The following MAGI2 variants were observed in gnomAD, a reference collection of about 807,000 sequenced individuals.
MAGI2 encodes membrane associated guanylate kinase, WW and PDZ domain containing 2, also known as membrane-associated guanylate kinase, WW and PDZ domain-containing protein 2.
Under a neutral mutation model 133.3 loss-of-function variants are expected in MAGI2, and 35 were observed. That is an observed-to-expected ratio of 0.26 (90% CI 0.20 to 0.35). The LOEUF is 0.35. Among genes scored for constraint, MAGI2 ranks in the 10% least tolerant of loss-of-function variants. MAGI2 has a pLI of 1.00. For missense variants in MAGI2, 1,636 were observed against 1,863.4 expected (o/e 0.88, Z 2.25); for synonymous variants, 729 against 710.6 (o/e 1.03, Z -0.41).
At chr7:78,959,283 C>A (rs191593333) in intron 2 of MAGI2, among the ~76,000 whole-genome samples, 3 of 151,964 alleles carry the variant, frequency 2.0e-5, no homozygotes, top group Non-Finnish European at 2.9e-5. Flanking sequence ...AGAATAGGGG[C>A]TTTGGATTAC....
intron 3 of MAGI2, among the ~76,000 whole-genome samples, chr7:78,624,468 A>C (rs1157697813): frequency 6.6e-6 from 1 of 152,154 alleles, no homozygotes; most frequent in Non-Finnish European, 1.5e-5. Context: ...ATGCAGCCAT[A>C]AAGAGAAATG....
intron 2 of MAGI2, among the ~76,000 whole-genome samples, chr7:78,803,492 T>C (rs917106343): frequency 6.6e-6 from 1 of 152,088 alleles, no homozygotes; most frequent in Non-Finnish European, 1.5e-5. Flanking sequence ...TATTTATTTT[T>C]TTTTTTTGCA....
chr7:79,038,539 A>G (rs1811328165), intron 1 of MAGI2, among the ~76,000 whole-genome samples: 1 of 152,180 alleles, frequency 6.6e-6, no homozygotes, highest in African/African-American at 2.4e-5. Flanking sequence ...TCATTTTTTA[A>G]AAAGTAAAAT....
At chr7:78,087,517 A>C (rs1156518160) in intron 20 of MAGI2, among the ~76,000 whole-genome samples, 1 of 152,190 alleles carries the variant, frequency 6.6e-6, no homozygotes. Flanking sequence ...AAAAGTAATA[A>C]ATTTTTCATA....
intron 2 of MAGI2, chr7:78,946,999 T>C (rs1012045465): frequency 6.6e-6 from 1 of 152,104 alleles, no homozygotes; most frequent in Admixed American, 6.6e-5. Context: ...ACCTATTCAG[T>C]AGCTAAAATA....
At chr7:78,670,384 AAGG>A (rs1814224672) in intron 2 of MAGI2, among the ~76,000 whole-genome samples, 1 of 152,232 alleles carries the variant, frequency 6.6e-6, no homozygotes, top group Admixed American at 6.5e-5. Flanking sequence ...GGACCTCTTC[AAGG>A]AGAACTACAA....
chr7:79,060,947 T>G (rs1227077024), intron 1 of MAGI2, among the ~76,000 whole-genome samples: 2 of 152,146 alleles, frequency 1.3e-5, no homozygotes, highest in Non-Finnish European at 2.9e-5. Context: ...GCTCCAGAAT[T>G]TCTATCTGAG....
At chr7:79,112,969 G>T (rs1198917085) in intron 1 of MAGI2, among the ~76,000 whole-genome samples, 1 of 152,030 alleles carries the variant, frequency 6.6e-6, no homozygotes, top group African/African-American at 2.4e-5. Context: ...TTAAACATTG[G>T]GAACATTGAG....
intron 6 of MAGI2, among the ~76,000 whole-genome samples, chr7:78,472,311 T>C (rs1004540156): frequency 3.3e-5 from 5 of 152,104 alleles, no homozygotes; most frequent in Admixed American, 6.6e-5. Flanking sequence ...CAAATTTATA[T>C]ACATATACCA....
At chr7:78,337,972 T>A (rs1250771575) in intron 9 of MAGI2, among the ~76,000 whole-genome samples, 1 of 152,184 alleles carries the variant, frequency 6.6e-6, no homozygotes, top group Non-Finnish European at 1.5e-5. Flanking sequence ...CTGTTTTATG[T>A]GCCAGGAGCA....
chr7:78,584,889 T>G (rs1260051708), intron 3 of MAGI2, among the ~76,000 whole-genome samples: 1 of 152,228 alleles, frequency 6.6e-6, no homozygotes, highest in African/African-American at 2.4e-5. Flanking sequence ...ATCTATAAAA[T>G]GAAGATAATA....
intron 2 of MAGI2, among the ~76,000 whole-genome samples, chr7:78,951,538 C>T (rs891198384): frequency 2.6e-5 from 4 of 152,060 alleles, no homozygotes; most frequent in Non-Finnish European, 4.4e-5. Flanking sequence ...CTCACTATCA[C>T]GAGATCCAAT....
intron 20 of MAGI2, among the ~76,000 whole-genome samples, chr7:78,083,522 T>G (rs1256549490): frequency 3.9e-5 from 6 of 151,976 alleles, no homozygotes; most frequent in African/African-American, 1.5e-4. Flanking sequence ...AAATGCCAAA[T>G]TTAGGAAACT....
At chr7:78,218,453 C>A (rs1312259809) in intron 10 of MAGI2, among the ~76,000 whole-genome samples, 1 of 152,184 alleles carries the variant, frequency 6.6e-6, no homozygotes, top group South Asian at 2.1e-4. Context: ...ACAGTGAAGG[C>A]AGGGGCCATG....
intron 1 of MAGI2, among the ~76,000 whole-genome samples, chr7:79,308,617 C>T (rs964574616): frequency 2.6e-5 from 4 of 152,122 alleles, no homozygotes; most frequent in African/African-American, 9.7e-5. Context: ...AACACTAAAC[C>T]TCTAATTGCT....
intron 6 of MAGI2, among the ~76,000 whole-genome samples, chr7:78,437,712 T>C (rs1234734957): frequency 1.3e-5 from 2 of 152,194 alleles, no homozygotes; most frequent in African/African-American, 2.4e-5. Flanking sequence ...TAACATGACA[T>C]GACCACTGAG....
intron 2 of MAGI2, among the ~76,000 whole-genome samples, chr7:78,706,644 A>C (rs536775387): frequency 6.6e-6 from 1 of 152,232 alleles, no homozygotes; most frequent in South Asian, 2.1e-4. Context: ...AACACAAAAC[A>C]ATTAGCCAAC....
chr7:79,421,152 A>G (rs1306736128), intron 1 of MAGI2, among the ~76,000 whole-genome samples: 1 of 152,010 alleles, frequency 6.6e-6, no homozygotes, highest in Non-Finnish European at 1.5e-5. Context: ...TCACAATGCT[A>G]TTACAATAAA....
chr7:78,298,169 G>A (rs1258602195), intron 9 of MAGI2, among the ~76,000 whole-genome samples: 5 of 152,000 alleles, frequency 3.3e-5, no homozygotes, highest in Non-Finnish European at 5.9e-5. Context: ...AAATTGGGGA[G>A]CATTCTACAA....
Sources: allele counts gnomAD v4.1 joint callset (sites outside exome capture counted in the v4.1 genomes callset), GRCh38; gene constraint gnomAD v4.1.1; transcripts MANE v1.5; gene names NCBI Gene and HGNC (gene_info 2026-07-23, HGNC 2026-07-21).